NCKAP5: variants seen among roughly 807,000 people sequenced by gnomAD.
NCKAP5 encodes NCK associated protein 5.
Under a neutral mutation model 167.0 loss-of-function variants are expected in NCKAP5, and 92 were observed. The ratio of observed to expected loss-of-function variants is 0.55; its 90% CI spans 0.47 to 0.66. The LOEUF (loss-of-function observed/expected upper bound fraction) is 0.66, where lower values mean the gene tolerates loss of function less well. Among genes scored for constraint, NCKAP5 ranks in the 30% least tolerant of loss-of-function variants. The probability of loss-of-function intolerance (pLI) is 0.00; values close to 1 mark genes in which losing one functional copy is unlikely to be tolerated. For missense variants in NCKAP5, 2,378 were observed against 2,315.0 expected (o/e 1.03, Z -0.56); for synonymous variants, 891 against 877.4 (o/e 1.02, Z -0.27).
intron 3 of NCKAP5, among the ~76,000 whole-genome samples, chr2:133,500,793 T>C (rs1682440859): frequency 6.6e-6 from 1 of 152,212 alleles, no homozygotes; most frequent in Non-Finnish European, 1.5e-5. Flanking sequence ...AGTGATGTAC[T>C]TGTGACAGAT....
At chr2:133,086,025 T>A (rs1428921453) in intron 6 of NCKAP5, among the ~76,000 whole-genome samples, 1 of 152,184 alleles carries the variant, frequency 6.6e-6, no homozygotes, top group Non-Finnish European at 1.5e-5. Context: ...TCTTCTTCTC[T>A]CAGTAGTTTC....
intron 6 of NCKAP5, among the ~76,000 whole-genome samples, chr2:133,059,490 G>A (rs913378612): frequency 6.6e-6 from 1 of 151,824 alleles, no homozygotes; most frequent in Non-Finnish European, 1.5e-5. Flanking sequence ...CAGCCTGAGG[G>A]TGGGACCCTA....
rs5834326 is a variant in NCKAP5 at position 132,692,108 on chromosome 2, G to GATTTTATTTTATTTT, written c.5714-18818_5714-18804dup. Among the ~76,000 whole-genome samples the GATTTTATTTTATTTT allele has an allele frequency of 6.5e-3, 893 of 136,684 alleles. 5 individuals are homozygous for GATTTTATTTTATTTT. Among genetic ancestry groups the GATTTTATTTTATTTT allele is most frequent in the East Asian group, 0.013 (61 of 4,550 alleles). 89.7% of individuals were successfully genotyped at this position (136,684 alleles called of 152,430 possible). A position where few individuals can be genotyped will look rare whatever the true frequency, so the allele number is the denominator to read the frequency against. On this transcript the variant is annotated intron_variant, in intron 19 of 19. Coordinates refer to ENST00000409261, the MANE Select transcript of NCKAP5 (RefSeq NM_207363.3). ...TATATCCCATCTATGAAGCCTGCTTGATTTTATTTTATTTTATTTTATTTT... is the reference window on the plus strand; with the variant it reads ...TATATCCCATCTATGAAGCCTGCTTGATTTTATTTTATTTTATTTTATTTTATTTTATTTTATTTT...
intron 6 of NCKAP5, among the ~76,000 whole-genome samples, chr2:133,017,652 T>C (rs1178554501): frequency 1.3e-5 from 2 of 152,184 alleles, no homozygotes; most frequent in Non-Finnish European, 2.9e-5. Context: ...CTCTCTTTAC[T>C]AGACTGTACA....
At chr2:132,702,102 T>C (rs969321536) in intron 19 of NCKAP5, among the ~76,000 whole-genome samples, 1 of 152,164 alleles carries the variant, frequency 6.6e-6, no homozygotes, top group African/African-American at 2.4e-5. Context: ...AAAGAACGTG[T>C]CCTTCCATTT....
intron 3 of NCKAP5, among the ~76,000 whole-genome samples, chr2:133,367,779 T>C (rs1370901209): frequency 6.6e-6 from 1 of 152,132 alleles, no homozygotes; most frequent in African/African-American, 2.4e-5. Context: ...TAAATAAAAA[T>C]TTAAGTTACC....
At chr2:132,946,390 A>G (rs1697731435) in intron 8 of NCKAP5, among the ~76,000 whole-genome samples, 1 of 152,168 alleles carries the variant, frequency 6.6e-6, no homozygotes, top group South Asian at 2.1e-4. Flanking sequence ...GTAATGAGTA[A>G]TGACAATGTT....
chr2:133,130,804 C>T (rs1262028316), intron 5 of NCKAP5, among the ~76,000 whole-genome samples: 1 of 152,098 alleles, frequency 6.6e-6, no homozygotes, highest in Non-Finnish European at 1.5e-5. Context: ...CCTGATAGCA[C>T]TGAGTCAGCT....
intron 2 of NCKAP5, among the ~76,000 whole-genome samples, chr2:133,520,841 C>A (rs1575098379): frequency 6.6e-6 from 1 of 152,092 alleles, no homozygotes; most frequent in Non-Finnish European, 1.5e-5. Context: ...TAAGGGTTGG[C>A]CAATCATAAA....
chr2:133,565,057 G>A (rs1029759758), intron 1 of NCKAP5, among the ~76,000 whole-genome samples: 3 of 152,174 alleles, frequency 2.0e-5, no homozygotes, highest in Non-Finnish European at 4.4e-5. Flanking sequence ...GATGTGAAAA[G>A]CTGCTCACAG....
At chr2:132,750,793 A>G (rs1680045163) in intron 16 of NCKAP5, among the ~76,000 whole-genome samples, 1 of 152,208 alleles carries the variant, frequency 6.6e-6, no homozygotes, top group Non-Finnish European at 1.5e-5. Flanking sequence ...TTCAGGATAA[A>G]AGGCTGAAAA....
chr2:133,447,288 A>G (rs1219070848), intron 3 of NCKAP5, among the ~76,000 whole-genome samples: 3 of 152,194 alleles, frequency 2.0e-5, no homozygotes, highest in Non-Finnish European at 4.4e-5. Context: ...TGCAGAATTC[A>G]GAGGTAAATG....
At chr2:133,443,005 T>C (rs187980489) in intron 3 of NCKAP5, among the ~76,000 whole-genome samples, 1 of 152,380 alleles carries the variant, frequency 6.6e-6, no homozygotes, top group Non-Finnish European at 1.5e-5. Flanking sequence ...TAAGATGATA[T>C]GAATTGCATA....
Position 133,167,964 on chromosome 2 carries a change from T to TAAG in NCKAP5, c.208-37856_208-37854dup, listed in dbSNP as rs575770751. ...TATAACATTATCATCATAACAGTGATAAGGTAATATTAATAGCTAATTTTA... is the reference window on the plus strand; with the variant it reads ...TATAACATTATCATCATAACAGTGATAAGAAGGTAATATTAATAGCTAATTTTA... On this transcript the variant is annotated intron_variant, in intron 5 of 19. Transcript: ENST00000409261. Among the ~76,000 whole-genome samples, 133 of 152,304 alleles carry TAAG rather than the reference T, an allele frequency of 8.7e-4. 1 individual carries two copies. Among genetic ancestry groups the TAAG allele is most frequent in the African/African-American group, 2.8e-3 (118 of 41,572 alleles).
At chr2:132,834,307 C>T (rs1235052145) in intron 11 of NCKAP5, among the ~76,000 whole-genome samples, 2 of 152,122 alleles carry the variant, frequency 1.3e-5, no homozygotes, top group African/African-American at 4.8e-5. Flanking sequence ...AGCAATCCTC[C>T]TACCTCAGCC....
At chr2:132,872,316 C>T (rs1690888259) in intron 9 of NCKAP5, among the ~76,000 whole-genome samples, 1 of 152,196 alleles carries the variant, frequency 6.6e-6, no homozygotes, top group African/African-American at 2.4e-5. Flanking sequence ...TAAGAATTTT[C>T]TCAGACAATC....
At chr2:133,661,978 C>CA in the NCKAP5 span, among the ~76,000 whole-genome samples, 2,107 of 148,518 alleles carry the variant, frequency 0.014, 45 homozygotes, top group African/African-American at 0.048. Context: ...CTTATATTGT[C>CA]AAAAAAAAAA....
intron 1 of NCKAP5, among the ~76,000 whole-genome samples, chr2:133,561,357 A>G (rs149213204): frequency 6.6e-5 from 10 of 152,378 alleles, no homozygotes; most frequent in Non-Finnish European, 1.3e-4. Context: ...TCCTGATTCT[A>G]TAATTCAAGG....
chr2:133,547,858 A>G (rs1686883876), intron 2 of NCKAP5, among the ~76,000 whole-genome samples: 1 of 148,468 alleles, frequency 6.7e-6, no homozygotes, highest in African/African-American at 2.5e-5. Flanking sequence ...CTCACCAGCA[A>G]CGGAACAAAG....
Sources: gnomAD v4.1 joint callset for allele counts (sites outside exome capture counted in the v4.1 genomes callset) on GRCh38, gnomAD v4.1.1 for gene constraint, MANE v1.5 for transcripts, NCBI Gene and HGNC (gene_info 2026-07-23, HGNC 2026-07-21) for gene names.